Variants in ZNF676 observed in about 807,000 individuals in gnomAD.
ZNF676 encodes zinc finger protein 676.
Under a neutral mutation model 6.0 loss-of-function variants are expected in ZNF676, and 4 were observed. The observed-to-expected ratio is 0.67, with a 90% CI of 0.33 to 1.53. The LOEUF (loss-of-function observed/expected upper bound fraction) is 1.53. Ranked by LOEUF, ZNF676 falls within the 40% of genes most tolerant of loss-of-function variation. The pLI, the probability that ZNF676 is intolerant of heterozygous loss-of-function variation, is 0.06. For missense variants in ZNF676, 644 were observed against 679.7 expected (o/e 0.95, Z 0.58); for synonymous variants, 198 against 223.1 (o/e 0.89, Z 1.00).
At chr19:22,235,004 GAAAGAAAGAA>G in the ZNF676 span, among the ~76,000 whole-genome samples, 1 of 113,078 alleles carries the variant, frequency 8.8e-6, no homozygotes, top group African/African-American at 3.6e-5. Context: ...AAGAAAGAAA[GAAAGAAAGAA>G]AGAAAGAAAG....
chr19:22,214,900 G>T (rs576029659), intron 1 of ZNF676, among the ~76,000 whole-genome samples: 2 of 151,118 alleles, frequency 1.3e-5, no homozygotes, highest in Admixed American at 1.3e-4. Flanking sequence ...AATTAGCCGG[G>T]GGTGTTGGCG....
chr19:22,201,072 A>G (rs1176104223), upstream of ZNF676, among the ~76,000 whole-genome samples: 1 of 152,172 alleles, frequency 6.6e-6, no homozygotes, highest in Non-Finnish European at 1.5e-5. Context: ...TTCTAAATAA[A>G]AAATGGAACT....
chr19:22,183,263 A>C (rs2023786843), intron 2 of ZNF676, among the ~76,000 whole-genome samples: 1 of 152,076 alleles, frequency 6.6e-6, no homozygotes, highest in Admixed American at 6.6e-5. Flanking sequence ...AATAAAAGTA[A>C]CTCCTTTACT....
the ZNF676 span, among the ~76,000 whole-genome samples, chr19:22,253,373 T>TAC: frequency 2.8e-5 from 1 of 35,302 alleles, no homozygotes; most frequent in East Asian, 9.7e-4. Flanking sequence ...TGTGTGTGTG[T>TAC]ATATATATAT....
At chr19:22,252,282 C>G in the ZNF676 span, among the ~76,000 whole-genome samples, 5 of 151,912 alleles carry the variant, frequency 3.3e-5, no homozygotes, top group Non-Finnish European at 7.4e-5. Context: ...GTAATCCCAG[C>G]TTCTCATGAG....
At chr19:22,251,591 C>T in the ZNF676 span, among the ~76,000 whole-genome samples, 1 of 152,040 alleles carries the variant, frequency 6.6e-6, no homozygotes, top group Admixed American at 6.6e-5. Flanking sequence ...GGTTCGAGAC[C>T]AGCCTGGCCC....
chr19:22,231,610 T>C, the ZNF676 span, among the ~76,000 whole-genome samples: 2 of 72,632 alleles, frequency 2.8e-5, no homozygotes, highest in Non-Finnish European at 5.2e-5. Context: ...TCTTTATTTA[T>C]TTATTTATTT....
At chr19:22,182,417 GA>G (rs1230311717) in intron 2 of ZNF676, among the ~76,000 whole-genome samples, 1 of 151,528 alleles carries the variant, frequency 6.6e-6, no homozygotes, top group East Asian at 1.9e-4. Flanking sequence ...AGAAACCATT[GA>G]AAATGTATAT....
upstream of ZNF676, among the ~76,000 whole-genome samples, chr19:22,219,142 A>C (rs1257248716): frequency 6.6e-6 from 1 of 150,784 alleles, no homozygotes; most frequent in Non-Finnish European, 1.5e-5. Context: ...TCTGTCACCC[A>C]GGCTGGAGTG....
rs375872535 is a variant in ZNF676 at position 22,181,645 on chromosome 19, T to G, written c.131-59A>C. 9.1e-6 allele frequency: 12 copies of G among 1,317,330 alleles called. No homozygotes were observed. In the African/African-American group the frequency reaches 1.0e-4, roughly 11 times the overall value. The allele number at this position is 1,317,330 out of a possible 1,614,324, so 81.6% of individuals were successfully genotyped here. On this transcript the variant is annotated intron_variant, in intron 2 of 2. Transcript: ENST00000397121. ...ATATTAGACTCAGATAAGTACAGTT[T>G]CCAAATCTAACCTATAAAATTATTC... is the stretch of plus-strand genomic sequence containing the variant.
At chr19:22,218,812 G>C (rs982280774), upstream of ZNF676, among the ~76,000 whole-genome samples, 1 of 151,878 alleles carries the variant, frequency 6.6e-6, no homozygotes, top group Non-Finnish European at 1.5e-5. Flanking sequence ...CTGTTTCATT[G>C]GTCTTCATAT....
chr19:22,244,785 G>A, the ZNF676 span: 7 of 152,208 alleles, frequency 4.6e-5, no homozygotes, highest in African/African-American at 9.6e-5. Context: ...TCACAAGGCC[G>A]CCTATGGGCA....
chr19:22,180,173 C>G lies in ZNF676; in HGVS notation c.1544G>C (p.Ser515Thr). 1 of 1,611,140 alleles carries G rather than the reference C, an allele frequency of 6.2e-7. No individual in the cohort carries two copies. The highest frequency in any genetic ancestry group is 8.5e-7 in the Non-Finnish European group (1 of 1,179,128). The change falls in exon 3 of 3, where the codon AGC (serine) becomes ACC (threonine). Residue 515 changes from serine to threonine, a missense_variant. Ser to Thr is a moderately conservative substitution (Grantham distance 58). Transcript: ENST00000397121. ...YKCEECGKAF[S>T]WSSILTEHKI... Reference sequence around the variant, plus strand: ...ATGTTCAGTAAGGATCGAGGACCAGCTGAAGGCTTTGCCACATTCTTCACA... The same window carrying G: ...ATGTTCAGTAAGGATCGAGGACCAGGTGAAGGCTTTGCCACATTCTTCACA...
At chr19:22,217,944 T>C (rs2024210641), upstream of ZNF676, among the ~76,000 whole-genome samples, 1 of 151,548 alleles carries the variant, frequency 6.6e-6, no homozygotes, top group East Asian at 2.0e-4. Context: ...CCTCAGGTGA[T>C]CCACCCGTCT....
At chr19:22,219,966 G>T (rs2144853009), upstream of ZNF676, among the ~76,000 whole-genome samples, 1 of 152,118 alleles carries the variant, frequency 6.6e-6, no homozygotes. Context: ...GTCATAGATG[G>T]TTTTTATGAC....
At chr19:22,214,242 G>C (rs1418345505) in intron 1 of ZNF676, among the ~76,000 whole-genome samples, 1 of 152,212 alleles carries the variant, frequency 6.6e-6, no homozygotes, top group African/African-American at 2.4e-5. Flanking sequence ...GGAAACAGCA[G>C]TTCCCTGTGG....
At chr19:22,219,510 G>C (rs1432726608), upstream of ZNF676, among the ~76,000 whole-genome samples, 1 of 151,940 alleles carries the variant, frequency 6.6e-6, no homozygotes, top group African/African-American at 2.4e-5. Flanking sequence ...TTTATTTTTT[G>C]CTTTACTCTG....
the ZNF676 span, among the ~76,000 whole-genome samples, chr19:22,228,217 C>A: frequency 6.6e-6 from 1 of 152,084 alleles, no homozygotes; most frequent in Non-Finnish European, 1.5e-5. Context: ...AATCAATAAA[C>A]GTAATCCATC....
chr19:22,230,685 T>A, the ZNF676 span, among the ~76,000 whole-genome samples: 5 of 151,356 alleles, frequency 3.3e-5, no homozygotes, highest in Admixed American at 2.6e-4. Flanking sequence ...TTGAGCCGAG[T>A]TTTACTCTTG....
Sources: gnomAD v4.1 joint callset for allele counts (sites outside exome capture counted in the v4.1 genomes callset) on GRCh38, gnomAD v4.1.1 for gene constraint, MANE v1.5 for transcripts, NCBI Gene and HGNC (gene_info 2026-07-23, HGNC 2026-07-21) for gene names.